The following DDX52 variants were observed in gnomAD, a reference collection of about 807,000 sequenced individuals.
DDX52 encodes DExD-box helicase 52, also known as probable ATP-dependent RNA helicase DDX52.
A neutral mutation model predicts 76.1 loss-of-function variants in DDX52; 59 were observed. The ratio of observed to expected loss-of-function variants is 0.78; its 90% CI spans 0.63 to 0.96. DDX52 has a LOEUF of 0.96. Among genes scored for constraint, DDX52 ranks in the 40% least tolerant of loss-of-function variants. The probability of loss-of-function intolerance (pLI) is 0.00; values close to 1 mark genes in which losing one functional copy is unlikely to be tolerated. For synonymous variants in DDX52, 231 were observed against 244.1 expected (o/e 0.95, Z 0.50); for missense variants, 707 against 703.9 (o/e 1.00, Z -0.05).
At chr17:37,634,683 TATAAAG>T (rs895552170) in intron 2 of DDX52, among the ~76,000 whole-genome samples, 5 of 152,166 alleles carry the variant, frequency 3.3e-5, no homozygotes, top group African/African-American at 1.2e-4. Flanking sequence ...TACTCAGTAT[TATAAAG>T]ATAGCCTTTC....
Position 37,614,241 on chromosome 17 carries a change from T to C in DDX52, c.*55A>G. ...CTTCAAGTATTCCATGAAAATAACA[T>C]TCATGCTGGGATCATAAAATTACAT... On this transcript the variant is annotated 3_prime_UTR_variant, in exon 15 of 15. Transcript: ENST00000617633. The C allele has an allele frequency of 2.6e-6, 4 of 1,562,974 alleles. No individual in the cohort carries two copies. Among genetic ancestry groups the C allele is most frequent in the South Asian group, 1.2e-5 (1 of 85,806 alleles).
chr17:37,640,563 C>T (rs2031141329), intron 2 of DDX52, among the ~76,000 whole-genome samples: 1 of 149,878 alleles, frequency 6.7e-6, no homozygotes, highest in African/African-American at 2.5e-5. Context: ...TGGAGAGAAA[C>T]AGTAGGAAGG....
chr17:37,639,766 G>C (rs1292682675), intron 2 of DDX52, among the ~76,000 whole-genome samples: 1 of 151,624 alleles, frequency 6.6e-6, no homozygotes, highest in Non-Finnish European at 1.5e-5. Flanking sequence ...ATTGATACAT[G>C]CCTACACATT....
intron 4 of DDX52, chr17:37,631,211 G>T (rs2030665959): frequency 6.6e-6 from 1 of 152,066 alleles, no homozygotes; most frequent in Non-Finnish European, 1.5e-5. Context: ...AAAACTTAAC[G>T]TCCGAAAACC....
intron 2 of DDX52, among the ~76,000 whole-genome samples, chr17:37,637,794 G>A (rs1039013393): frequency 1.3e-5 from 2 of 151,942 alleles, no homozygotes; most frequent in South Asian, 2.1e-4. Context: ...GGCTGGTTTC[G>A]AACTCCTAAC....
chr17:37,626,057 TCAAA>T lies in DDX52; in HGVS notation c.970_973del (p.Phe324LysfsTer59). On this transcript the variant is annotated frameshift_variant, in exon 8 of 15. Coordinates refer to ENST00000617633, the MANE Select transcript of DDX52 (RefSeq NM_007010.5). LOFTEE classifies it high-confidence loss of function. ...GTCTCTGAACCCAGTTTTGCCATCTTCAAACAGTTTATCTGATTCGTCTACTACA... is the reference window on the plus strand; with the variant it reads ...GTCTCTGAACCCAGTTTTGCCATCTTCAGTTTATCTGATTCGTCTACTACA... 1.2e-6 allele frequency: 2 copies of T among 1,614,152 alleles called. No homozygotes were observed. The highest frequency in any genetic ancestry group is 1.1e-5 in the South Asian group (1 of 91,076).
chr17:37,619,791 T>C lies in DDX52; in HGVS notation c.1626A>G (p.Ile542Met). The C allele has an allele frequency of 6.2e-7, 1 of 1,613,914 alleles. No individual in the cohort carries two copies. Among genetic ancestry groups the C allele is most frequent in the Non-Finnish European group, 8.5e-7 (1 of 1,179,974 alleles). Residue 542 changes from isoleucine to methionine, a missense_variant, in exon 13 of 15, where the codon ATA (isoleucine) becomes ATG (methionine). Coordinates refer to ENST00000617633, the MANE Select transcript of DDX52 (RefSeq NM_007010.5). ...QQAGCPVPEYIKGFQKLLSKQ... is the reference protein window; with the variant it reads ...QQAGCPVPEYMKGFQKLLSKQ... ...ACCTTAGTAGTTTCTGAAAACCTTT[T>C]ATGTATTCTGGTACAGGACACCCAG...
chr17:37,631,783 C>A, intron 4 of DDX52: 1 of 308,866 alleles, frequency 3.2e-6, no homozygotes, highest in Non-Finnish European at 6.0e-6. Context: ...GGGTTACACA[C>A]TAGTAAAATG....
Position 37,619,762 on chromosome 17 carries a change from T to C in DDX52, c.1649+6A>G, listed in dbSNP as rs750633643. Reference sequence around the variant, plus strand: ...GACAAAGATACAGGTAAATTCAAGATTGTACCTTAGTAGTTTCTGAAAACC... The same window carrying C: ...GACAAAGATACAGGTAAATTCAAGACTGTACCTTAGTAGTTTCTGAAAACC... On this transcript the variant is annotated splice_donor_region_variant and intron_variant, in intron 13 of 14. Transcript: ENST00000617633. 5.0e-6 allele frequency: 8 copies of C among 1,610,268 alleles called. No homozygotes were observed. In the East Asian group the frequency reaches 1.8e-4, roughly 36 times the overall value.
At position 37,612,419 on chromosome 17, in the gene DDX52, A is replaced by G. The variant is rs766926365; in HGVS notation, c.*1877T>C. On this transcript the variant is annotated 3_prime_UTR_variant, in exon 15 of 15. Coordinates refer to ENST00000617633, the MANE Select transcript of DDX52 (RefSeq NM_007010.5). The stretch of plus-strand genomic sequence containing the variant: ...TAAATTTAGTATAGGTTAAGTGTGC[A>G]GTGTTTATACAAGTCTACATGTTCC... The G allele has an allele frequency of 2.6e-5, 4 of 152,154 alleles. No homozygotes were observed. Among genetic ancestry groups the G allele is most frequent in the Non-Finnish European group, 5.9e-5 (4 of 68,038 alleles). The allele number at this position is 152,154 out of a possible 1,614,324, so 9.4% of individuals were successfully genotyped here.
At position 37,618,394 on chromosome 17, in the gene DDX52, AC is replaced by A; in HGVS notation, c.1650-11del. The A allele has an allele frequency of 6.4e-7, 1 of 1,574,264 alleles. No homozygotes were observed. Among genetic ancestry groups the A allele is most frequent in the Non-Finnish European group, 8.6e-7 (1 of 1,166,794 alleles). On this transcript the variant is annotated splice_polypyrimidine_tract_variant and intron_variant, in intron 13 of 14. Coordinates refer to ENST00000617633, the MANE Select transcript of DDX52 (RefSeq NM_007010.5). ...CTTTTTCTTTTGTTTGCTGAAAGTTACAAAGTAAAAAAGGAAAAGAATTAAG... is the reference window on the plus strand; with the variant it reads ...CTTTTTCTTTTGTTTGCTGAAAGTTAAAAGTAAAAAAGGAAAAGAATTAAG...
In DDX52 at chr17:37,632,131, G is replaced by A. The variant is rs769677294; in HGVS notation, c.585C>T (p.Ala195=). ...TACTCACATGCAGCATAACTGGGATGGCTTGCATTTGGATTGGCGTAGGCA... is the reference window on the plus strand; with the variant it reads ...TACTCACATGCAGCATAACTGGGATAGCTTGCATTTGGATTGGCGTAGGCA... ...FQMPTPIQMQ[A]IPVMLHGREL... is the part of the protein sequence containing the mutation. The change falls in exon 4 of 15, where the codon GCC becomes GCT. Residue 195 remains alanine, a synonymous_variant. Coordinates refer to ENST00000617633, the MANE Select transcript of DDX52 (RefSeq NM_007010.5). 10 of 1,613,004 alleles carry A rather than the reference G, an allele frequency of 6.2e-6. No individual in the cohort carries two copies. The Admixed American group carries it at 1.7e-4, about 27-fold the overall frequency.
At chr17:37,632,070 C>CA in intron 4 of DDX52, 43 bp downstream of exon 4, 1 of 1,610,936 alleles carries the variant, frequency 6.2e-7, no homozygotes, top group Non-Finnish European at 8.5e-7. Context: ...AGCAAACACA[C>CA]AGAGGAAGGA....
At chr17:37,616,115 T>C (rs1440530603) in intron 14 of DDX52, among the ~76,000 whole-genome samples, 1 of 152,232 alleles carries the variant, frequency 6.6e-6, no homozygotes, top group Non-Finnish European at 1.5e-5. Flanking sequence ...TTTTTGACCT[T>C]TGTAAAAACT....
At position 37,633,348 on chromosome 17, in the gene DDX52, T is replaced by C. The variant is rs777764048; in HGVS notation, c.357A>G (p.Lys119=). 2.2e-5 allele frequency: 36 copies of C among 1,612,000 alleles called. No homozygotes were observed. Among genetic ancestry groups the C allele is most frequent in the Non-Finnish European group, 3.0e-5 (35 of 1,179,234 alleles). ...MSSVEAKIED[K]KVQRESKLTS... Reference sequence around the variant, plus strand: ...TTAGTTTACTTTCTCTCTGAACTTTTTTGTCTTCAATCTTTGCTTCTACAG... The same window carrying C: ...TTAGTTTACTTTCTCTCTGAACTTTCTTGTCTTCAATCTTTGCTTCTACAG... The change falls in exon 3 of 15, where the codon AAA becomes AAG. Residue 119 remains lysine (K), a synonymous_variant. Transcript: ENST00000617633.
intron 2 of DDX52, among the ~76,000 whole-genome samples, chr17:37,636,093 T>A (rs1007172628): frequency 6.6e-6 from 1 of 152,206 alleles, no homozygotes; most frequent in African/African-American, 2.4e-5. Context: ...GAATGAAAAT[T>A]TTTAGTTTCG....
chr17:37,639,930 G>A (rs565341917), intron 2 of DDX52, among the ~76,000 whole-genome samples: 1 of 152,184 alleles, frequency 6.6e-6, no homozygotes, highest in East Asian at 1.9e-4. Context: ...TTGCAGCCAG[G>A]GAAGAATGAC....
intron 3 of DDX52, among the ~76,000 whole-genome samples, 200 bp from the exon 4 acceptor site, chr17:37,632,498 T>C (rs1265385744): frequency 1.3e-5 from 2 of 152,236 alleles, no homozygotes; most frequent in East Asian, 1.9e-4. Flanking sequence ...ATGTCTATGC[T>C]TTCTTCATAT....
At chr17:37,618,862 G>C (rs2029930976) in intron 13 of DDX52, among the ~76,000 whole-genome samples, 1 of 152,146 alleles carries the variant, frequency 6.6e-6, no homozygotes, top group African/African-American at 2.4e-5. Flanking sequence ...TCGCCTAATA[G>C]GATTTACAGA....
Sources: allele counts gnomAD v4.1 joint callset (sites outside exome capture counted in the v4.1 genomes callset), GRCh38; gene constraint gnomAD v4.1.1; transcripts MANE v1.5; gene names NCBI Gene and HGNC (gene_info 2026-07-23, HGNC 2026-07-21).